Variants in CACNA2D1 observed in about 807,000 individuals in gnomAD.
CACNA2D1 encodes the protein voltage-dependent calcium channel subunit alpha-2/delta-1.
Under a neutral mutation model 171.5 loss-of-function variants are expected in CACNA2D1, and 53 were observed. That is an observed-to-expected ratio of 0.31 (90% CI 0.25 to 0.39). CACNA2D1 has a LOEUF of 0.39. CACNA2D1 is among the 10% of genes least tolerant of loss of function. The pLI, the probability that CACNA2D1 is intolerant of heterozygous loss-of-function variation, is 1.00. For synonymous variants in CACNA2D1, 442 were observed against 443.1 expected, an observed-to-expected ratio of 1.00 and a Z score of 0.03; for missense variants, 903 against 1,299.8, an observed-to-expected ratio of 0.69 and a Z score of 4.69.
At chr7:82,283,453 G>A (rs1810370164) in intron 3 of CACNA2D1, among the ~76,000 whole-genome samples, 1 of 152,140 alleles carries the variant, frequency 6.6e-6, no homozygotes, top group East Asian at 1.9e-4. Flanking sequence ...ATTTATTCAA[G>A]TATTAAAACA....
intron 1 of CACNA2D1, among the ~76,000 whole-genome samples, chr7:82,406,001 T>C (rs1826993217): frequency 6.6e-6 from 1 of 152,086 alleles, no homozygotes. Context: ...TAACTCGTCA[T>C]TTAACATTAG....
At chr7:82,436,891 T>C (rs1830154778) in intron 1 of CACNA2D1, among the ~76,000 whole-genome samples, 1 of 152,290 alleles carries the variant, frequency 6.6e-6, no homozygotes, top group South Asian at 2.1e-4. Flanking sequence ...GTATGCACCT[T>C]AGAAAAATTT....
At chr7:82,172,615 GCTTTTTT>G (rs1796132990) in intron 3 of CACNA2D1, among the ~76,000 whole-genome samples, 1 of 110,460 alleles carries the variant, frequency 9.1e-6, no homozygotes, top group Admixed American at 1.1e-4. Flanking sequence ...AAGAAACCCG[GCTTTTTT>G]TTTTTTTTTT....
intron 1 of CACNA2D1, among the ~76,000 whole-genome samples, chr7:82,425,182 C>T (rs1018679120): frequency 3.9e-5 from 6 of 152,150 alleles, no homozygotes; most frequent in South Asian, 2.1e-4. Flanking sequence ...CAGCTGAATG[C>T]CCTTCAAAGG....
intron 3 of CACNA2D1, among the ~76,000 whole-genome samples, chr7:82,221,741 C>T: frequency 6.9e-6 from 1 of 144,092 alleles, no homozygotes; most frequent in South Asian, 2.2e-4. Flanking sequence ...GAGACTCCAT[C>T]TCAAAGAAGA....
chr7:82,072,978 G>T (rs1808509748), intron 7 of CACNA2D1, among the ~76,000 whole-genome samples: 1 of 152,126 alleles, frequency 6.6e-6, no homozygotes, highest in African/African-American at 2.4e-5. Flanking sequence ...ATTTTTATAA[G>T]ATATGCTTAG....
At chr7:82,007,508 C>T (rs1369860812) in intron 16 of CACNA2D1, among the ~76,000 whole-genome samples, 171 bp downstream of exon 16, 2 of 152,156 alleles carry the variant, frequency 1.3e-5, no homozygotes, top group Non-Finnish European at 2.9e-5. Flanking sequence ...GTTTGACCTG[C>T]ATTTCCTTTT....
chr7:81,973,851 A>C (rs1019204841), intron 25 of CACNA2D1, among the ~76,000 whole-genome samples: 1 of 152,052 alleles, frequency 6.6e-6, no homozygotes, highest in African/African-American at 2.4e-5. Flanking sequence ...TGAATGATGC[A>C]AATTTACCTG....
chr7:82,398,003 G>C (rs904030633), intron 1 of CACNA2D1, among the ~76,000 whole-genome samples: 2 of 152,186 alleles, frequency 1.3e-5, no homozygotes, highest in African/African-American at 4.8e-5. Flanking sequence ...CAGTGGGATA[G>C]GATTAGATAG....
rs1031017802 is a variant in CACNA2D1, at chr7:82,086,750, T to A, written c.527-1850A>T. 2.0e-5 allele frequency among the ~76,000 whole-genome samples: 3 copies of A among 152,280 alleles called. No individual in the cohort carries two copies. The South Asian group carries it at 6.2e-4, about 32-fold the overall frequency. On this transcript the variant is annotated intron_variant, in intron 6 of 38. Coordinates refer to ENST00000356860, the MANE Select transcript of CACNA2D1 (RefSeq NM_000722.4). ...TTAATTTCCTTGATTCTTTCATTCA[T>A]ATTAGGCAATAACATCTAGTTATTT...
intron 4 of CACNA2D1, among the ~76,000 whole-genome samples, chr7:82,137,029 G>A (rs183864048): frequency 4.6e-5 from 7 of 152,254 alleles, no homozygotes; most frequent in East Asian, 3.9e-4. Flanking sequence ...TGTAAGATAC[G>A]TGTCTTAATA....
chr7:82,226,346 C>A (rs970675375), intron 3 of CACNA2D1, among the ~76,000 whole-genome samples: 1 of 152,168 alleles, frequency 6.6e-6, no homozygotes, highest in African/African-American at 2.4e-5. Context: ...GTCCTCACAG[C>A]AACCCTTCAA....
At chr7:82,324,661 G>A (rs1219483218) in intron 3 of CACNA2D1, among the ~76,000 whole-genome samples, 1 of 152,122 alleles carries the variant, frequency 6.6e-6, no homozygotes, top group Admixed American at 6.5e-5. Context: ...GAGAGGAAAT[G>A]TGATGGTGTA....
At chr7:82,170,853 C>A (rs1488178884) in intron 3 of CACNA2D1, among the ~76,000 whole-genome samples, 2 of 151,940 alleles carry the variant, frequency 1.3e-5, no homozygotes, top group African/African-American at 2.4e-5. Context: ...TTACCTCTGC[C>A]ATCATCAGCT....
At chr7:82,122,119 G>A (rs1301685184) in intron 5 of CACNA2D1, among the ~76,000 whole-genome samples, 2 of 152,004 alleles carry the variant, frequency 1.3e-5, no homozygotes, top group Non-Finnish European at 2.9e-5. Flanking sequence ...GGGGAAAAGT[G>A]AAATCACAAA....
At chr7:82,113,504 T>C (rs549562676) in intron 6 of CACNA2D1, among the ~76,000 whole-genome samples, 41 of 152,216 alleles carry the variant, frequency 2.7e-4, no homozygotes, top group Non-Finnish European at 2.9e-5. Flanking sequence ...AATACAGTAC[T>C]CTAAAACTTT....
Position 82,443,518 on chromosome 7 carries a change from GA to G in CACNA2D1, c.-60del. On this transcript the variant is annotated 5_prime_UTR_variant, in exon 1 of 39. Coordinates refer to ENST00000356860, the MANE Select transcript of CACNA2D1 (RefSeq NM_000722.4). ...CCAAGCGGGGGAAGGAGCGGCGCTG[GA>G]AACCGCGGGCGGAGGAAGAGCAGCA... The G allele has an allele frequency of 1.3e-6, 2 of 1,580,250 alleles. No homozygotes were observed. The highest frequency in any genetic ancestry group is 1.4e-5 in the African/African-American group (1 of 73,144).
At chr7:82,180,324 A>G (rs1364818282) in intron 3 of CACNA2D1, among the ~76,000 whole-genome samples, 1 of 152,102 alleles carries the variant, frequency 6.6e-6, no homozygotes, top group Non-Finnish European at 1.5e-5. Flanking sequence ...CATTGCATAC[A>G]CCATAGGCCC....
chr7:82,210,202 A>T (rs547907861), intron 3 of CACNA2D1, among the ~76,000 whole-genome samples: 1 of 152,306 alleles, frequency 6.6e-6, no homozygotes, highest in South Asian at 2.1e-4. Flanking sequence ...ATTTATTAAG[A>T]TTAGTTCAAA....
Sources: allele counts gnomAD v4.1 joint callset (sites outside exome capture counted in the v4.1 genomes callset), GRCh38; gene constraint gnomAD v4.1.1; transcripts MANE v1.5; gene names NCBI Gene and HGNC (gene_info 2026-07-23, HGNC 2026-07-21).